ZNF595: variants seen among roughly 807,000 people sequenced by gnomAD.
ZNF595 encodes zinc finger protein 595.
A neutral mutation model predicts 19.4 loss-of-function variants in ZNF595; 9 were observed. The ratio of observed to expected loss-of-function variants is 0.46; its 90% CI spans 0.28 to 0.81. ZNF595 has a LOEUF of 0.81. Among genes scored for constraint, ZNF595 ranks in the 30% least tolerant of loss-of-function variants. The pLI, the probability that ZNF595 is intolerant of heterozygous loss-of-function variation, is 0.11. For missense variants in ZNF595, 729 were observed against 736.0 expected, an observed-to-expected ratio of 0.99 and a Z score of 0.11; for synonymous variants, 255 against 255.9, an observed-to-expected ratio of 1.00 and a Z score of 0.03.
intron 1 of ZNF595, among the ~76,000 whole-genome samples, chr4:55,002 C>G (rs1712562184): frequency 6.6e-6 from 1 of 151,390 alleles, no homozygotes; most frequent in Non-Finnish European, 1.5e-5. Context: ...CTAACTCAGT[C>G]TCCCGAGTAG....
intron 3 of ZNF595, among the ~76,000 whole-genome samples, chr4:74,365 A>C (rs563280754): frequency 3.5e-4 from 54 of 152,300 alleles, no homozygotes; most frequent in African/African-American, 1.2e-3. Context: ...AGTGCTATGC[A>C]AGTACATTGT....
At chr4:85,628 T>C (rs1182996556) in intron 3 of ZNF595, 103 bp from the exon 4 acceptor site, 1 of 1,312,774 alleles carries the variant, frequency 7.6e-7, no homozygotes. Context: ...TTTGTTATGC[T>C]ATCTTACTAA....
chr4:79,981 T>C (rs1388406519), intron 3 of ZNF595, among the ~76,000 whole-genome samples: 2 of 152,202 alleles, frequency 1.3e-5, no homozygotes, highest in Non-Finnish European at 2.9e-5. Context: ...TTTTTTAGTG[T>C]GAATGGTGTG....
At position 87,489 on chromosome 4, in the gene ZNF595, C is replaced by T. The variant is rs782735236; in HGVS notation, c.*38C>T. On this transcript the variant is annotated 3_prime_UTR_variant, in exon 4 of 4. Coordinates refer to ENST00000610261, the MANE Select transcript of ZNF595 (RefSeq NM_182524.4). The stretch of plus-strand genomic sequence containing the variant: ...GTAATCTCTAATTCCAGTGTCTTTA[C>T]ACAGCAAATAAATTGGAGAATATTG... The T allele has an allele frequency of 1.4e-5, 21 of 1,464,108 alleles. No individual in the cohort carries two copies. Among genetic ancestry groups the T allele is most frequent in the Non-Finnish European group, 1.6e-5 (18 of 1,103,224 alleles). 90.7% of individuals were successfully genotyped at this position (1,464,108 alleles called of 1,614,324 possible).
At chr4:84,356 G>A (rs576747960) in intron 3 of ZNF595, among the ~76,000 whole-genome samples, 1 of 152,210 alleles carries the variant, frequency 6.6e-6, no homozygotes, top group African/African-American at 2.4e-5. Context: ...ATTTTCAGTG[G>A]AAGATACTTT....
chr4:83,963 T>C (rs1179283869), intron 3 of ZNF595, among the ~76,000 whole-genome samples: 4 of 152,116 alleles, frequency 2.6e-5, no homozygotes, highest in Admixed American at 6.5e-5. Flanking sequence ...TTTTGACTTT[T>C]GTGTTGATAG....
At chr4:66,803 C>T (rs1306431983) in intron 3 of ZNF595, among the ~76,000 whole-genome samples, 4 of 152,316 alleles carry the variant, frequency 2.6e-5, no homozygotes, top group South Asian at 4.1e-4. Flanking sequence ...ATCTATTTGT[C>T]TTCTTGCAAG....
At chr4:77,719 T>C (rs1172855985) in intron 3 of ZNF595, among the ~76,000 whole-genome samples, 1 of 152,184 alleles carries the variant, frequency 6.6e-6, no homozygotes, top group Non-Finnish European at 1.5e-5. Flanking sequence ...TTCTATTTTC[T>C]GGAAAGACTA....
chr4:82,403 G>A (rs56379248), intron 3 of ZNF595, among the ~76,000 whole-genome samples: 4 of 72,738 alleles, frequency 5.5e-5, no homozygotes, highest in Non-Finnish European at 1.0e-4. Flanking sequence ...TTTTTTTTGA[G>A]ATGGAGTTTC....
intron 3 of ZNF595, among the ~76,000 whole-genome samples, chr4:74,601 T>C (rs1164918307): frequency 6.6e-6 from 1 of 152,196 alleles, no homozygotes; most frequent in African/African-American, 2.4e-5. Context: ...TTATACATTT[T>C]AAGGAGACAT....
At chr4:79,068 A>G (rs1324906254) in intron 3 of ZNF595, among the ~76,000 whole-genome samples, 2 of 152,204 alleles carry the variant, frequency 1.3e-5, no homozygotes, top group Non-Finnish European at 2.9e-5. Flanking sequence ...GATTAATTTT[A>G]CCTTACAAAA....
chr4:75,953 A>C (rs1400312820), intron 3 of ZNF595, among the ~76,000 whole-genome samples: 2 of 152,116 alleles, frequency 1.3e-5, no homozygotes, highest in African/African-American at 4.8e-5. Context: ...GCAATGGTGC[A>C]TTCACAGCTC....
chr4:75,959 A>AG (rs1560089570), intron 3 of ZNF595, among the ~76,000 whole-genome samples: 2 of 152,122 alleles, frequency 1.3e-5, no homozygotes, highest in African/African-American at 4.8e-5. Flanking sequence ...GTGCATTCAC[A>AG]GCTCAGTGCA....
intron 3 of ZNF595, among the ~76,000 whole-genome samples, chr4:84,655 A>G (rs189655129): frequency 2.1e-4 from 32 of 152,294 alleles, no homozygotes; most frequent in Non-Finnish European, 8.8e-5. Context: ...AACTTTGCTT[A>G]TATAAATCTC....
chr4:88,093 A>G lies in ZNF595; in HGVS notation c.*642A>G, dbSNP rs1280701517. ...TTATGATTATAATAAGTATATGAGT[A>G]TAATTATAATTCACACATTTCTAAG... On this transcript the variant is annotated 3_prime_UTR_variant, in exon 4 of 4. Transcript: ENST00000610261. The G allele has an allele frequency of 6.6e-6, 1 of 152,184 alleles. No individual in the cohort carries two copies. The highest frequency in any genetic ancestry group is 1.5e-5 in the Non-Finnish European group (1 of 68,038). 9.4% of individuals were successfully genotyped at this position (152,184 alleles called of 1,614,324 possible). A position where few individuals can be genotyped will look rare whatever the true frequency, so the allele number is the denominator to read the frequency against.
In ZNF595 at chr4:85,878, T is replaced by G. The variant is rs782586765; in HGVS notation, c.374T>G (p.Val125Gly). 8.1e-6 allele frequency: 13 copies of G among 1,614,074 alleles called. 1 individual carries two copies. The East Asian group carries it at 2.7e-4, about 33-fold the overall frequency. Reference protein sequence around the residue: ...KGCKRVNECKVQKGVNNGVYQ... With the variant: ...KGCKRVNECKGQKGVNNGVYQ... ...TGTAAACGTGTGAATGAGTGTAAGG[T>G]GCAGAAAGGAGTTAATAATGGAGTT... Residue 125 changes from valine (V) to glycine (G), a missense_variant, in exon 4 of 4, where the codon GTG (valine) becomes GGG (glycine). Val to Gly is a moderately radical substitution (Grantham distance 109). Coordinates refer to ENST00000610261, the MANE Select transcript of ZNF595 (RefSeq NM_182524.4).
intron 3 of ZNF595, among the ~76,000 whole-genome samples, chr4:74,734 A>G (rs1046315079): frequency 2.0e-5 from 3 of 152,178 alleles, no homozygotes; most frequent in Admixed American, 1.3e-4. Flanking sequence ...TAGATAAGAG[A>G]CAAATGATTG....
intron 3 of ZNF595, among the ~76,000 whole-genome samples, chr4:60,683 A>C (rs1399523064): frequency 6.6e-6 from 1 of 152,410 alleles, no homozygotes; most frequent in African/African-American, 2.4e-5. Context: ...ATACGTATAC[A>C]TGTGCCATGC....
chr4:75,562 C>G (rs782536427), intron 3 of ZNF595, among the ~76,000 whole-genome samples: 36 of 152,208 alleles, frequency 2.4e-4, no homozygotes, highest in Non-Finnish European at 4.6e-4. Context: ...GGAGAGGACT[C>G]TCAAACCATA....
Sources: allele counts gnomAD v4.1 joint callset (sites outside exome capture counted in the v4.1 genomes callset), GRCh38; gene constraint gnomAD v4.1.1; transcripts MANE v1.5; gene names NCBI Gene and HGNC (gene_info 2026-07-23, HGNC 2026-07-21).